Variants in LMO3 observed in about 807,000 individuals in gnomAD.
LMO3 encodes the protein LIM domain only 3.
Under a neutral mutation model 15.8 loss-of-function variants are expected in LMO3, and 2 were observed. That is an observed-to-expected ratio of 0.13 (90% confidence interval 0.05 to 0.40). The LOEUF is 0.40. Ranked by LOEUF, LMO3 falls within the 10% of genes least tolerant of loss-of-function variation. The pLI, the probability that LMO3 is intolerant of heterozygous loss-of-function variation, is 0.99. For missense variants in LMO3, 86 were observed against 182.2 expected (o/e 0.47, Z 3.04); for synonymous variants, 62 against 63.8 (o/e 0.97, Z 0.13).
chr12:16,562,362 G>C, intron 2 of LMO3, among the ~76,000 whole-genome samples: 1 of 152,154 alleles, frequency 6.6e-6, no homozygotes, highest in East Asian at 1.9e-4. Flanking sequence ...AGATATACTT[G>C]TGTATATAAC....
chr12:16,606,009 C>G, intron 1 of LMO3, 57 bp downstream of exon 1: 1 of 608,590 alleles, frequency 1.6e-6, no homozygotes, highest in East Asian at 2.8e-5. Context: ...CGCGCGCACC[C>G]GCAGACACAC....
chr12:16,574,099 T>C (rs988008524), intron 2 of LMO3, among the ~76,000 whole-genome samples: 2 of 151,982 alleles, frequency 1.3e-5, no homozygotes, highest in Non-Finnish European at 2.9e-5. Flanking sequence ...AAAACCAACC[T>C]TCCTCCACCT....
In LMO3 at chr12:16,578,354, C is replaced by A. The variant is rs553607002; in HGVS notation, c.207-17816G>T. 9.2e-5 allele frequency among the ~76,000 whole-genome samples: 14 copies of A among 152,118 alleles called. No homozygotes were observed. In the South Asian group the frequency reaches 2.9e-3, roughly 32 times the overall value. On this transcript the variant is annotated intron_variant, in intron 2 of 3. Transcript: ENST00000537304. The stretch of plus-strand genomic sequence containing the variant: ...GAACAATATAAATTAAAAATAACTT[C>A]CTACTTTTAACTCTACATGGGGTAG...
At chr12:16,558,332 G>A (rs1565482695) in intron 3 of LMO3, among the ~76,000 whole-genome samples, 1 of 151,966 alleles carries the variant, frequency 6.6e-6, no homozygotes, top group Non-Finnish European at 1.5e-5. Flanking sequence ...TTCCTACTAT[G>A]AATATGTAAT....
chr12:16,597,942 TTAGA>T lies in LMO3; in HGVS notation c.206+2709_206+2712del, dbSNP rs1361347552. Reference sequence around the variant, plus strand: ...AGATTCTATGTAATTAAATAAACAATTAGATAGTGGCAACTTTAGGTGTACCTTC... The same window carrying T: ...AGATTCTATGTAATTAAATAAACAATTAGTGGCAACTTTAGGTGTACCTTC... On this transcript the variant is annotated intron_variant, in intron 2 of 3. Coordinates refer to ENST00000537304, the MANE Select transcript of LMO3 (RefSeq NM_018640.5). The surrounding 1 kb of genome is among the most constrained non-coding windows in gnomAD (Gnocchi z 5.0). 3.9e-5 allele frequency: 6 copies of T among 151,998 alleles called. No homozygotes were observed. The highest frequency in any genetic ancestry group is 8.8e-5 in the Non-Finnish European group (6 of 67,894). 9.4% of individuals were successfully genotyped at this position (151,998 alleles called of 1,614,324 possible).
At position 16,550,181 on chromosome 12, in the gene LMO3, T is replaced by C. The variant is rs989390596; in HGVS notation, c.*1041A>G. ...TAGCTTCAATGTGCATTATAGTGAT[T>C]TCAGTAGATTCACACTCAAATCTTT... On this transcript the variant is annotated 3_prime_UTR_variant, in exon 4 of 4. Coordinates refer to ENST00000537304, the MANE Select transcript of LMO3 (RefSeq NM_018640.5). The C allele has an allele frequency of 3.3e-5, 5 of 152,094 alleles. No homozygotes were observed. Among genetic ancestry groups the C allele is most frequent in the African/African-American group, 9.7e-5 (4 of 41,422 alleles). The allele number at this position is 152,094 out of a possible 1,614,324, so 9.4% of individuals were successfully genotyped here. A position where few individuals can be genotyped will look rare whatever the true frequency, so the allele number is the denominator to read the frequency against.
intron 1 of LMO3, 71 bp downstream of exon 1, chr12:16,605,995 C>G: frequency 1.6e-6 from 1 of 620,878 alleles, no homozygotes; most frequent in South Asian, 1.9e-5. Flanking sequence ...CATCCGCACA[C>G]GCACGCGCGC....
In LMO3 at chr12:16,586,553, G is replaced by A. The variant is rs1361028491; in HGVS notation, c.206+14102C>T. On this transcript the variant is annotated intron_variant, in intron 2 of 3. Coordinates refer to ENST00000537304, the MANE Select transcript of LMO3 (RefSeq NM_018640.5). This position sits in a 1 kb window ranked among gnomAD's most constrained non-coding sequence, Gnocchi z 4.3. ...TAATATTGTCAGATTCAGGCCAACTGAATTCTGGAGGACATATGCAAAGAC... is the reference window on the plus strand; with the variant it reads ...TAATATTGTCAGATTCAGGCCAACTAAATTCTGGAGGACATATGCAAAGAC... Among the ~76,000 whole-genome samples the A allele has an allele frequency of 6.6e-6, 1 of 152,148 alleles. No homozygotes were observed. The highest frequency in any genetic ancestry group is 1.5e-5 in the Non-Finnish European group (1 of 68,028).
intron 2 of LMO3, among the ~76,000 whole-genome samples, chr12:16,575,146 A>G (rs568128880): frequency 6.6e-6 from 1 of 152,326 alleles, no homozygotes; most frequent in South Asian, 2.1e-4. Flanking sequence ...TAAACTTAAC[A>G]TTATGATGTC....
chr12:16,572,339 CTTTTTTTTTTT>C lies in LMO3; in HGVS notation c.207-11812_207-11802del, dbSNP rs59773866. Among the ~76,000 whole-genome samples, 5 of 89,530 alleles carry C rather than the reference CTTTTTTTTTTT, an allele frequency of 5.6e-5. No homozygotes were observed. The East Asian group carries it at 1.1e-3, about 19-fold the overall frequency. The allele number at this position is 89,530 out of a possible 152,430, so 58.7% of individuals were successfully genotyped here. On this transcript the variant is annotated intron_variant, in intron 2 of 3. Coordinates refer to ENST00000537304, the MANE Select transcript of LMO3 (RefSeq NM_018640.5). ...TGTTTTCTGCATAGTGGTCCAAACT[CTTTTTTTTTTT>C]TTTTTTTTTTTGTAAAGAGCTGTTT... is the stretch of plus-strand genomic sequence containing the variant.
rs1365150737 is a variant in LMO3, at chr12:16,594,282, T to C, written c.206+6373A>G. 7 of 1,520,622 alleles carry C rather than the reference T, an allele frequency of 4.6e-6. No homozygotes were observed. The East Asian group carries it at 1.2e-4, about 27-fold the overall frequency. The allele number at this position is 1,520,622 out of a possible 1,614,324, so 94.2% of individuals were successfully genotyped here. A position where few individuals can be genotyped will look rare whatever the true frequency, so the allele number is the denominator to read the frequency against. On this transcript the variant is annotated intron_variant, in intron 2 of 3. Coordinates refer to ENST00000537304, the MANE Select transcript of LMO3 (RefSeq NM_018640.5). The stretch of plus-strand genomic sequence containing the variant: ...AAATGCTTAACAAGAGGAAGTGCCA[T>C]GTGTCAGCAGAAGTAATCATATACA...
intron 2 of LMO3, among the ~76,000 whole-genome samples, chr12:16,580,251 C>T (rs985816850): frequency 1.3e-5 from 2 of 152,182 alleles, no homozygotes; most frequent in Non-Finnish European, 2.9e-5. Context: ...CAGGTGCATG[C>T]CACTGCTTCT....
rs933018139 is a variant in LMO3 at position 16,589,855 on chromosome 12, A to G, written c.206+10800T>C. ...GAAATTGTAACAGAAAAAAGCCCCC[A>G]AGATGCAGACCACAGTAGGAATTAA... On this transcript the variant is annotated intron_variant, in intron 2 of 3. Transcript: ENST00000537304. The surrounding 1 kb of genome is among the most constrained non-coding windows in gnomAD (Gnocchi z 4.2). 2.0e-5 allele frequency among the ~76,000 whole-genome samples: 3 copies of G among 152,098 alleles called. No homozygotes were observed. Among genetic ancestry groups the G allele is most frequent in the Admixed American group, 2.0e-4 (3 of 15,268 alleles).
chr12:16,578,161 T>C (rs1211770170), intron 2 of LMO3, among the ~76,000 whole-genome samples: 1 of 152,218 alleles, frequency 6.6e-6, no homozygotes, highest in Non-Finnish European at 1.5e-5. Flanking sequence ...AAACTCATAG[T>C]TTCATGAAAC....
At chr12:16,551,893 C>A (rs561892977) in intron 3 of LMO3, among the ~76,000 whole-genome samples, 1 of 152,010 alleles carries the variant, frequency 6.6e-6, no homozygotes, top group South Asian at 2.1e-4. Flanking sequence ...GTTGCTCTAG[C>A]ATCAGATTCT....
At chr12:16,551,593 C>CTT (rs1292960664) in intron 3 of LMO3, among the ~76,000 whole-genome samples, 1 of 135,990 alleles carries the variant, frequency 7.4e-6, no homozygotes, top group Non-Finnish European at 1.6e-5. Flanking sequence ...AGATGACTTG[C>CTT]TTTTTTTTTT....
intron 2 of LMO3, chr12:16,567,412 GA>G (rs1167050786): frequency 6.6e-6 from 1 of 152,606 alleles, no homozygotes. Flanking sequence ...CTCAGGGATA[GA>G]ATACGAGAAG....
At chr12:16,573,761 A>G (rs973328227) in intron 2 of LMO3, 1 of 152,198 alleles carries the variant, frequency 6.6e-6, no homozygotes, top group African/African-American at 2.4e-5. Context: ...AGGCCGTTAC[A>G]CAAGGCAGCT....
upstream of LMO3, among the ~76,000 whole-genome samples, chr12:16,608,938 C>T (rs2137763458): frequency 6.6e-6 from 1 of 152,194 alleles, no homozygotes; most frequent in African/African-American, 2.4e-5. The surrounding 1 kb of genome is among the most constrained non-coding windows in gnomAD (Gnocchi z 4.1). Flanking sequence ...TATTACCTGA[C>T]AGTAATTAGG....
Sources: gnomAD v4.1 joint callset for allele counts (sites outside exome capture counted in the v4.1 genomes callset) on GRCh38, gnomAD v4.1.1 for gene constraint, Gnocchi (gnomAD v3.1) non-coding constraint, MANE v1.5 for transcripts, NCBI Gene and HGNC (gene_info 2026-07-23, HGNC 2026-07-21) for gene names.